Variants in ABLIM1 observed in about 807,000 individuals in gnomAD.
The protein encoded by ABLIM1 is actin-binding LIM protein 1.
In ABLIM1, 40 loss-of-function variants were observed where a neutral mutation model predicts 107.0. The ratio of observed to expected loss-of-function variants is 0.37; its 90% CI spans 0.29 to 0.49. The LOEUF (loss-of-function observed/expected upper bound fraction) is 0.49. ABLIM1 is among the 20% of genes least tolerant of loss of function. The probability of loss-of-function intolerance (pLI) is 0.97; values close to 1 mark genes in which losing one functional copy is unlikely to be tolerated. For missense variants in ABLIM1, 857 were observed against 1,008.5 expected (o/e 0.85, Z 2.04); for synonymous variants, 357 against 357.3 (o/e 1.00, Z 0.01).
chr10:114,462,970 A>C (rs932850199), intron 12 of ABLIM1: 62 of 1,290,860 alleles, frequency 4.8e-5, no homozygotes, highest in Non-Finnish European at 6.3e-5. Context: ...TTGGAGATAC[A>C]CCTTATTAGC....
At chr10:114,768,301 C>G (rs2082956371), upstream of ABLIM1, among the ~76,000 whole-genome samples, 1 of 146,594 alleles carries the variant, frequency 6.8e-6, no homozygotes, top group African/African-American at 2.4e-5. Context: ...CCCGCGGCCG[C>G]GCTGGGCGGG....
chr10:114,603,953 C>CAAAAAAAAA (rs56037072), intron 1 of ABLIM1, among the ~76,000 whole-genome samples: 1 of 131,374 alleles, frequency 7.6e-6, no homozygotes, highest in Non-Finnish European at 1.6e-5. Flanking sequence ...GACTTTGTCT[C>CAAAAAAAAA]AAAAAAAAAA....
intron 2 of ABLIM1, among the ~76,000 whole-genome samples, chr10:114,586,994 T>C (rs1360550675): frequency 6.6e-6 from 1 of 152,192 alleles, no homozygotes; most frequent in Non-Finnish European, 1.5e-5. Context: ...CTTCATCCAC[T>C]TTACTCTACA....
chr10:114,476,153 T>TG (rs941525686), intron 8 of ABLIM1, among the ~76,000 whole-genome samples: 4 of 152,128 alleles, frequency 2.6e-5, no homozygotes, highest in African/African-American at 9.7e-5. Context: ...GATGCTAGGG[T>TG]GGAAGTGGCT....
chr10:114,795,570 G>T, the ABLIM1 span, among the ~76,000 whole-genome samples: 1 of 152,114 alleles, frequency 6.6e-6, no homozygotes, highest in Non-Finnish European at 1.5e-5. Context: ...CTAGCCAGGC[G>T]TGGTGGCACG....
In ABLIM1 at chr10:114,594,936, G is replaced by A. The variant is rs556271402; in HGVS notation, c.379+6891C>T. ...AAGAGCTTACTCTCTAGTAGGAGGTGAAGATAAATTAATACAATGTATTAA... is the reference window on the plus strand; with the variant it reads ...AAGAGCTTACTCTCTAGTAGGAGGTAAAGATAAATTAATACAATGTATTAA... On this transcript the variant is annotated intron_variant, in intron 2 of 22. Coordinates refer to ENST00000533213, the MANE Select transcript of ABLIM1 (RefSeq NM_002313.7). 7.2e-5 allele frequency: 11 copies of A among 152,250 alleles called. No individual in the cohort carries two copies. In the South Asian group the frequency reaches 1.9e-3, roughly 26 times the overall value. The allele number at this position is 152,250 out of a possible 1,614,324, so 9.4% of individuals were successfully genotyped here.
chr10:114,580,187 A>AATATTAT (rs375442818), intron 2 of ABLIM1, among the ~76,000 whole-genome samples: 48 of 147,290 alleles, frequency 3.3e-4, no homozygotes, highest in African/African-American at 9.7e-4. Context: ...CCTTTATTTT[A>AATATTAT]ATATTATATA....
At chr10:114,766,365 T>C (rs2082893039) in intron 1 of ABLIM1, among the ~76,000 whole-genome samples, 1 of 152,160 alleles carries the variant, frequency 6.6e-6, no homozygotes, top group South Asian at 2.1e-4. Flanking sequence ...GACAACTGAA[T>C]GAAATGTCTA....
chr10:114,645,147 C>T (rs1220816377), intron 1 of ABLIM1, among the ~76,000 whole-genome samples: 4 of 152,182 alleles, frequency 2.6e-5, no homozygotes, highest in Non-Finnish European at 5.9e-5. Flanking sequence ...CCCATACCTC[C>T]GTGGCACTCG....
chr10:114,500,302 A>G (rs2135524570), intron 6 of ABLIM1, among the ~76,000 whole-genome samples: 1 of 152,326 alleles, frequency 6.6e-6, no homozygotes, highest in South Asian at 2.1e-4. Flanking sequence ...GTAGAAAGAC[A>G]TGGGCTTTGG....
chr10:114,580,931 C>T (rs2073293427), intron 2 of ABLIM1, among the ~76,000 whole-genome samples: 1 of 152,132 alleles, frequency 6.6e-6, no homozygotes, highest in Non-Finnish European at 1.5e-5. Flanking sequence ...AATAGGGCTT[C>T]TAGTGAAAGA....
At chr10:114,735,750 GA>G (rs1284707889) in intron 1 of ABLIM1, among the ~76,000 whole-genome samples, 1 of 152,192 alleles carries the variant, frequency 6.6e-6, no homozygotes, top group African/African-American at 2.4e-5. Context: ...TTACAGGCGT[GA>G]GCCACCATGC....
chr10:114,439,978 A>G (rs1278502621), intron 20 of ABLIM1, 104 bp downstream of exon 20: 1 of 1,578,800 alleles, frequency 6.3e-7, no homozygotes, highest in East Asian at 2.2e-5. Flanking sequence ...AACCACAACA[A>G]GCATCTTCTC....
the ABLIM1 span, among the ~76,000 whole-genome samples, chr10:114,788,341 A>ATAAAT: frequency 4.1e-4 from 54 of 133,090 alleles, no homozygotes; most frequent in African/African-American, 1.1e-3. Context: ...AAATAAAAAA[A>ATAAAT]AAAAAAATAA....
chr10:114,769,424 AAAGAAAG>A (rs1452482411), upstream of ABLIM1, among the ~76,000 whole-genome samples: 11 of 7,424 alleles, frequency 1.5e-3, no homozygotes, highest in African/African-American at 5.9e-3. Flanking sequence ...GAAAAGAAGG[AAAGAAAG>A]AAAGAAAGAA....
chr10:114,663,361 T>C (rs2079874518), intron 1 of ABLIM1, among the ~76,000 whole-genome samples: 1 of 152,214 alleles, frequency 6.6e-6, no homozygotes, highest in Non-Finnish European at 1.5e-5. Context: ...TGCCAGCTGC[T>C]AAGCTGCTGG....
chr10:114,696,548 G>A (rs1218223220), intron 1 of ABLIM1, among the ~76,000 whole-genome samples: 1 of 152,164 alleles, frequency 6.6e-6, no homozygotes, highest in Non-Finnish European at 1.5e-5. Context: ...GGGACACAGT[G>A]GGAAATAATT....
At chr10:114,480,353 T>C (rs559238650) in intron 8 of ABLIM1, among the ~76,000 whole-genome samples, 2 of 152,344 alleles carry the variant, frequency 1.3e-5, no homozygotes, top group East Asian at 1.9e-4. Context: ...ATGCATACAA[T>C]TTCAAATATT....
chr10:114,440,534 C>T (rs2060039057), intron 19 of ABLIM1, among the ~76,000 whole-genome samples: 1 of 152,120 alleles, frequency 6.6e-6, no homozygotes, highest in African/African-American at 2.4e-5. Context: ...CAGCCTTGAA[C>T]TCCTGGGCTT....
Sources: gnomAD v4.1 joint callset for allele counts (sites outside exome capture counted in the v4.1 genomes callset) on GRCh38, gnomAD v4.1.1 for gene constraint, MANE v1.5 for transcripts, NCBI Gene and HGNC (gene_info 2026-07-23, HGNC 2026-07-21) for gene names.